The following ATP2C1 variants were observed in gnomAD, a reference collection of about 807,000 sequenced individuals.
ATP2C1 encodes calcium-transporting ATPase type 2C member 1.
A neutral mutation model predicts 120.5 loss-of-function variants in ATP2C1; 31 were observed. That is an observed-to-expected ratio of 0.26 (90% confidence interval 0.19 to 0.35). The LOEUF is 0.35. Among genes scored for constraint, ATP2C1 ranks in the 10% least tolerant of loss-of-function variants. The pLI is 1.00. For synonymous variants in ATP2C1, 351 were observed against 358.7 expected (o/e 0.98, Z 0.24); for missense variants, 731 against 1,107.5 (o/e 0.66, Z 4.83).
chr3:130,995,419 A>G (rs969041420), intron 22 of ATP2C1, among the ~76,000 whole-genome samples: 3 of 152,108 alleles, frequency 2.0e-5, no homozygotes, highest in Non-Finnish European at 4.4e-5. Context: ...TGTCTCAAAA[A>G]AAAAAAAAAA....
At chr3:130,898,118 A>G (rs1391552053) in intron 2 of ATP2C1, among the ~76,000 whole-genome samples, 1 of 152,154 alleles carries the variant, frequency 6.6e-6, no homozygotes, top group African/African-American at 2.4e-5. Context: ...CCCATAGAAA[A>G]TTCAGTGTGA....
intron 26 of ATP2C1, among the ~76,000 whole-genome samples, chr3:131,011,988 G>A (rs1365484539): frequency 6.6e-6 from 1 of 152,176 alleles, no homozygotes; most frequent in Non-Finnish European, 1.5e-5. Context: ...GACTGTCACT[G>A]CTTTACTGCA....
rs944329408 is a variant in ATP2C1 at position 131,002,548 on chromosome 3, G to A, written c.*1198G>A. 5 of 985,240 alleles carry A rather than the reference G, an allele frequency of 5.1e-6. No homozygotes were observed. In the African/African-American group the frequency reaches 8.7e-5, roughly 17 times the overall value. 61.0% of individuals were successfully genotyped at this position (985,240 alleles called of 1,614,324 possible). Reference sequence around the variant, plus strand: ...GAAATAGGTGGATTTTGTGTGTAATGCCATCAGTTTTTATGAAAGCTTGAT... The same window carrying A: ...GAAATAGGTGGATTTTGTGTGTAATACCATCAGTTTTTATGAAAGCTTGAT... On this transcript the variant is annotated 3_prime_UTR_variant, in exon 28 of 28. Transcript: ENST00000510168.
intron 8 of ATP2C1, among the ~76,000 whole-genome samples, chr3:130,950,530 C>G (rs1293078807): frequency 2.0e-5 from 3 of 152,038 alleles, no homozygotes; most frequent in Admixed American, 6.6e-5. Flanking sequence ...TTTTCTTTCC[C>G]TCTACTCCCT....
intron 2 of ATP2C1, among the ~76,000 whole-genome samples, chr3:130,917,465 A>C (rs1316331915): frequency 6.6e-6 from 1 of 152,214 alleles, no homozygotes; most frequent in Admixed American, 6.5e-5. Context: ...ATGGTTTGCA[A>C]TTGTGTTTAA....
intron 10 of ATP2C1, chr3:130,955,668 A>C (rs1406051682): frequency 5.5e-6 from 1 of 180,322 alleles, no homozygotes; most frequent in Non-Finnish European, 1.2e-5. Context: ...GAGGCGTGGC[A>C]GTGAAGGGAT....
At chr3:130,863,700 T>G (rs2068084423) in intron 1 of ATP2C1, among the ~76,000 whole-genome samples, 1 of 152,190 alleles carries the variant, frequency 6.6e-6, no homozygotes, top group Non-Finnish European at 1.5e-5. Flanking sequence ...TCATGGGGGC[T>G]GGTCTTTCCC....
chr3:130,933,518 T>TG (rs946860965), intron 4 of ATP2C1, among the ~76,000 whole-genome samples: 34 of 152,290 alleles, frequency 2.2e-4, no homozygotes, highest in African/African-American at 7.7e-4. Context: ...AAGATTAAGG[T>TG]GACACACAGA....
At chr3:130,963,572 T>A in intron 12 of ATP2C1, 1 of 219,208 alleles carries the variant, frequency 4.6e-6, no homozygotes, top group South Asian at 6.9e-5. Flanking sequence ...TTGGCCTGTT[T>A]CCATCTTTTG....
chr3:130,895,126 A>G (rs1180143612), intron 2 of ATP2C1, among the ~76,000 whole-genome samples: 3 of 152,168 alleles, frequency 2.0e-5, no homozygotes, highest in Non-Finnish European at 4.4e-5. Flanking sequence ...AATGGGGGAC[A>G]AGGGGATGGG....
intron 26 of ATP2C1, 54 bp from the exon 27 acceptor site, chr3:130,999,464 G>T (rs2062787526): frequency 1.9e-6 from 3 of 1,585,974 alleles, no homozygotes; most frequent in Non-Finnish European, 2.6e-6. Flanking sequence ...ATATAATAAA[G>T]AAGTTATTTC....
chr3:130,887,469 G>C (rs1462755014), intron 1 of ATP2C1, among the ~76,000 whole-genome samples: 1 of 152,182 alleles, frequency 6.6e-6, no homozygotes, highest in Non-Finnish European at 1.5e-5. Context: ...GGGAGCTAGG[G>C]ACTGCAGTCA....
chr3:130,906,525 T>C (rs2058127950), intron 2 of ATP2C1, among the ~76,000 whole-genome samples: 1 of 152,094 alleles, frequency 6.6e-6, no homozygotes, highest in South Asian at 2.1e-4. Context: ...TTCAGGTGTA[T>C]ACTTAGGAGT....
At chr3:131,012,229 T>C (rs569943563) in intron 26 of ATP2C1, among the ~76,000 whole-genome samples, 38 of 151,518 alleles carry the variant, frequency 2.5e-4, no homozygotes, top group African/African-American at 7.3e-4. Flanking sequence ...GGATTTGATA[T>C]AACAACGGTC....
chr3:130,902,284 G>GTTTTTTTTTTTTTTTTTTTTT (rs1157956407), intron 2 of ATP2C1, among the ~76,000 whole-genome samples: 3 of 65,504 alleles, frequency 4.6e-5, no homozygotes, highest in African/African-American at 5.6e-5. Flanking sequence ...AAGGCTTCAC[G>GTTTTTTTTTTTTTTTTTTTTT]TTTTTTTTTT....
At position 130,948,756 on chromosome 3, in the gene ATP2C1, G is replaced by A. The variant is rs1033883327; in HGVS notation, c.532-5065G>A. The stretch of plus-strand genomic sequence containing the variant: ...AACCCTGTGTCAGGCAAGTCTGTTG[G>A]CACCATTTTTCCAACAGCATGGTGC... On this transcript the variant is annotated intron_variant, in intron 8 of 27. Coordinates refer to ENST00000510168, the MANE Select transcript of ATP2C1 (RefSeq NM_001378687.1). Among the ~76,000 whole-genome samples the A allele has an allele frequency of 5.9e-5, 9 of 152,138 alleles. No homozygotes were observed. The Middle Eastern group carries it at 0.01, about 172-fold the overall frequency.
intron 8 of ATP2C1, among the ~76,000 whole-genome samples, chr3:130,943,575 A>G (rs531834276): frequency 1.3e-5 from 2 of 152,254 alleles, no homozygotes; most frequent in African/African-American, 4.8e-5. Context: ...TTTATTAGTT[A>G]TTATTGTTTT....
chr3:130,934,591 G>A (rs747998104), intron 4 of ATP2C1, 31 bp from the exon 5 acceptor site: 1 of 1,406,962 alleles, frequency 7.1e-7, no homozygotes, highest in East Asian at 2.3e-5. Context: ...GTACAAAACT[G>A]TGTTGAATTG....
At chr3:130,861,062 G>C (rs867404829) in intron 1 of ATP2C1, among the ~76,000 whole-genome samples, 12 of 152,168 alleles carry the variant, frequency 7.9e-5, no homozygotes, top group Non-Finnish European at 1.0e-4. Context: ...TTGAGGTCAG[G>C]AGTTCAAAAC....
Sources: gnomAD v4.1 joint callset for allele counts (sites outside exome capture counted in the v4.1 genomes callset) on GRCh38, gnomAD v4.1.1 for gene constraint, MANE v1.5 for transcripts, NCBI Gene and HGNC (gene_info 2026-07-23, HGNC 2026-07-21) for gene names.